Variants in ABTB2 observed in about 807,000 individuals in gnomAD.
ABTB2 encodes ankyrin repeat and BTB/POZ domain-containing protein 2.
In ABTB2, 56 loss-of-function variants were observed where a neutral mutation model predicts 104.1. The observed-to-expected ratio is 0.54, with a 90% confidence interval of 0.43 to 0.67. The LOEUF (loss-of-function observed/expected upper bound fraction) is 0.67. ABTB2 is among the 30% of genes least tolerant of loss of function. The probability of loss-of-function intolerance (pLI) is 0.00; values close to 1 mark genes in which losing one functional copy is unlikely to be tolerated. For synonymous variants in ABTB2, 606 were observed against 608.2 expected, an observed-to-expected ratio of 1.00 and a Z score of 0.05; for missense variants, 1,279 against 1,407.7, an observed-to-expected ratio of 0.91 and a Z score of 1.46.
chr11:34,242,916 A>G (rs900982216), intron 1 of ABTB2, among the ~76,000 whole-genome samples: 1 of 152,126 alleles, frequency 6.6e-6, no homozygotes, highest in African/African-American at 2.4e-5. Context: ...GGCGGGAGGT[A>G]ACCTAATGAG....
intron 1 of ABTB2, among the ~76,000 whole-genome samples, chr11:34,346,907 A>C (rs1855338932): frequency 6.6e-6 from 1 of 152,200 alleles, no homozygotes; most frequent in Admixed American, 6.5e-5. Context: ...CCTCACAGCA[A>C]ATACTAATTT....
At chr11:34,303,767 C>T (rs956654542) in intron 1 of ABTB2, among the ~76,000 whole-genome samples, 5 of 151,136 alleles carry the variant, frequency 3.3e-5, no homozygotes, top group African/African-American at 4.9e-5. Flanking sequence ...CTCAGCTTCC[C>T]GAGTAGTTGG....
At chr11:34,157,571 C>T (rs928156478) in intron 14 of ABTB2, among the ~76,000 whole-genome samples, 3 of 152,210 alleles carry the variant, frequency 2.0e-5, no homozygotes, top group African/African-American at 7.2e-5. Context: ...GAGCATGACT[C>T]CACCTCCTGC....
At position 34,335,553 on chromosome 11, in the gene ABTB2, T is replaced by G. The variant is rs189325626; in HGVS notation, c.883+21148A>C. ...TTTTCGCCACAATTCTGGACACGTTTGTATTGCACACTCCACTCTGGCACT... is the reference window on the plus strand; with the variant it reads ...TTTTCGCCACAATTCTGGACACGTTGGTATTGCACACTCCACTCTGGCACT... On this transcript the variant is annotated intron_variant, in intron 1 of 16. Coordinates refer to ENST00000435224, the MANE Select transcript of ABTB2 (RefSeq NM_145804.3). 685 of 1,367,190 alleles carry G rather than the reference T, an allele frequency of 5.0e-4. No individual in the cohort carries two copies. The African/African-American group carries it at 9.0e-3, about 18-fold the overall frequency. 84.7% of individuals were successfully genotyped at this position (1,367,190 alleles called of 1,614,324 possible).
rs60514474 is a variant in ABTB2, at chr11:34,336,735, A to G, written c.883+19966T>C. Reference sequence around the variant, plus strand: ...TCCAAAGCCCTTATTTCCCTACTGTAAGACTCAGGGTTAATGCTTGCATAT... The same window carrying G: ...TCCAAAGCCCTTATTTCCCTACTGTGAGACTCAGGGTTAATGCTTGCATAT... On this transcript the variant is annotated intron_variant, in intron 1 of 16. Transcript: ENST00000435224. Among the ~76,000 whole-genome samples, 766 of 152,168 alleles carry G rather than the reference A, an allele frequency of 5.0e-3. 14 individuals are homozygous for G. In the East Asian group the frequency reaches 0.059, roughly 12 times the overall value.
In ABTB2 at chr11:34,154,570, T is replaced by C; in HGVS notation, c.2766+131A>G. The C allele has an allele frequency of 1.0e-6, 1 of 984,836 alleles. No individual in the cohort carries two copies. 61.0% of individuals were successfully genotyped at this position (984,836 alleles called of 1,614,324 possible). On this transcript the variant is annotated intron_variant, in intron 15 of 16. Coordinates refer to ENST00000435224, the MANE Select transcript of ABTB2 (RefSeq NM_145804.3). The surrounding 1 kb of genome is among the most constrained non-coding windows in gnomAD (Gnocchi z 4.9). Reference sequence around the variant, plus strand: ...AGGCTGGGCTCAGTGGTGTGCACAGTTCCTCTTTCTGGGAACTGCTCTTCC... The same window carrying C: ...AGGCTGGGCTCAGTGGTGTGCACAGCTCCTCTTTCTGGGAACTGCTCTTCC...
chr11:34,218,543 A>G (rs1053508979), intron 1 of ABTB2, among the ~76,000 whole-genome samples: 17 of 152,062 alleles, frequency 1.1e-4, no homozygotes, highest in African/African-American at 4.1e-4. Flanking sequence ...TTTTCCTAGC[A>G]CCATTTGTTA....
chr11:34,254,726 C>T (rs531964350), intron 1 of ABTB2, among the ~76,000 whole-genome samples: 47 of 143,010 alleles, frequency 3.3e-4, no homozygotes, highest in Non-Finnish European at 5.2e-4. Flanking sequence ...GGCTGGAGTG[C>T]AGTGGTATGA....
chr11:34,212,486 T>C (rs143146834), intron 1 of ABTB2, among the ~76,000 whole-genome samples: 10 of 152,222 alleles, frequency 6.6e-5, no homozygotes, highest in Admixed American at 1.3e-4. Flanking sequence ...AGTGGAGTAC[T>C]ATTACTAACC....
chr11:34,218,330 C>T (rs289978), intron 1 of ABTB2, among the ~76,000 whole-genome samples: 129,349 of 152,112 alleles, frequency 0.85, 55,127 homozygotes, highest in East Asian at 1. Context: ...TTTCCTGGAT[C>T]ATGCTTTTGG....
intron 1 of ABTB2, among the ~76,000 whole-genome samples, chr11:34,355,716 C>T (rs1855458037): frequency 6.6e-6 from 1 of 152,170 alleles, no homozygotes; most frequent in South Asian, 2.1e-4. Flanking sequence ...AACCATAATA[C>T]CATTCTGAAC....
chr11:34,295,209 T>C (rs74458436), intron 1 of ABTB2, among the ~76,000 whole-genome samples: 5,585 of 152,168 alleles, frequency 0.037, 134 homozygotes, highest in Non-Finnish European at 0.059. Context: ...AAAATATTGT[T>C]ATATAAGATA....
At chr11:34,215,864 T>C (rs1355054423) in intron 1 of ABTB2, among the ~76,000 whole-genome samples, 1 of 152,160 alleles carries the variant, frequency 6.6e-6, no homozygotes, top group Non-Finnish European at 1.5e-5. Context: ...ATATAAAAGT[T>C]ATTGTCACTA....
intron 1 of ABTB2, among the ~76,000 whole-genome samples, chr11:34,342,521 T>C (rs1855273743): frequency 6.6e-6 from 1 of 152,218 alleles, no homozygotes; most frequent in Non-Finnish European, 1.5e-5. Flanking sequence ...GCTGTGTCAT[T>C]GACTAGCTAT....
At chr11:34,183,483 G>A (rs1397958225) in intron 3 of ABTB2, among the ~76,000 whole-genome samples, 1 of 152,342 alleles carries the variant, frequency 6.6e-6, no homozygotes, top group South Asian at 2.1e-4. Flanking sequence ...GGGCACACCA[G>A]AACATATGGT....
At position 34,317,761 on chromosome 11, in the gene ABTB2, C is replaced by CAAAAA. The variant is rs772418965; in HGVS notation, c.883+38935_883+38939dup. On this transcript the variant is annotated intron_variant, in intron 1 of 16. Coordinates refer to ENST00000435224, the MANE Select transcript of ABTB2 (RefSeq NM_145804.3). ...CAGGCAACAGAGCAAAATCCTGTCTCAAAAAAAAAAAAAAAAAATTAATAA... is the reference window on the plus strand; with the variant it reads ...CAGGCAACAGAGCAAAATCCTGTCTCAAAAAAAAAAAAAAAAAAAAAAATTAATAA... 1.5e-3 allele frequency among the ~76,000 whole-genome samples: 194 copies of CAAAAA among 125,596 alleles called. 2 individuals carry two copies. The highest frequency in any genetic ancestry group is 5.4e-3 in the African/African-American group (179 of 33,194). The allele number at this position is 125,596 out of a possible 152,430, so 82.4% of individuals were successfully genotyped here.
intron 1 of ABTB2, among the ~76,000 whole-genome samples, chr11:34,206,022 T>G (rs2133041432): frequency 6.6e-6 from 1 of 152,302 alleles, no homozygotes; most frequent in Non-Finnish European, 1.5e-5. Context: ...TACTTTGTGC[T>G]GGGAACATAG....
chr11:34,283,227 T>A (rs1243049667), intron 1 of ABTB2, among the ~76,000 whole-genome samples: 1 of 151,446 alleles, frequency 6.6e-6, no homozygotes, highest in Non-Finnish European at 1.5e-5. Flanking sequence ...CATCTTTTTC[T>A]TTTTTTGAGA....
In ABTB2 at chr11:34,257,026, G is replaced by A. The variant is rs574130594; in HGVS notation, c.884-52336C>T. The stretch of plus-strand genomic sequence containing the variant: ...CAAATGCCTTCTGAGCAGCTTAGCT[G>A]GTAAAACACAAACTTATTTAAGAAA... On this transcript the variant is annotated intron_variant, in intron 1 of 16. Transcript: ENST00000435224. Among the ~76,000 whole-genome samples the A allele has an allele frequency of 1.5e-4, 23 of 152,262 alleles. No individual in the cohort carries two copies. The East Asian group carries it at 3.9e-3, about 26-fold the overall frequency.
Sources: allele counts gnomAD v4.1 joint callset (sites outside exome capture counted in the v4.1 genomes callset), GRCh38; gene constraint gnomAD v4.1.1; non-coding constraint Gnocchi (gnomAD v3.1); transcripts MANE v1.5; gene names NCBI Gene and HGNC (gene_info 2026-07-23, HGNC 2026-07-21).